ANKRD44: variants seen among roughly 807,000 people sequenced by gnomAD.
ANKRD44 encodes serine/threonine-protein phosphatase 6 regulatory ankyrin repeat subunit B.
A neutral mutation model predicts 116.0 loss-of-function variants in ANKRD44; 35 were observed. That is an observed-to-expected ratio of 0.30 (90% CI 0.23 to 0.40). The LOEUF (loss-of-function observed/expected upper bound fraction) is 0.40. ANKRD44 is among the 10% of genes least tolerant of loss of function. The pLI, the probability that ANKRD44 is intolerant of heterozygous loss-of-function variation, is 1.00. For synonymous variants in ANKRD44, 435 were observed against 461.8 expected, an observed-to-expected ratio of 0.94 and a Z score of 0.74; for missense variants, 1,014 against 1,242.6, an observed-to-expected ratio of 0.82 and a Z score of 2.77.
chr2:197,009,526 C>T (rs910869470), intron 18 of ANKRD44, among the ~76,000 whole-genome samples: 30 of 152,200 alleles, frequency 2.0e-4, no homozygotes, highest in African/African-American at 7.2e-4. Context: ...TGCACCACCA[C>T]ACCCGCTAAT....
At chr2:197,238,132 G>A (rs2082014328) in intron 1 of ANKRD44, among the ~76,000 whole-genome samples, 1 of 152,202 alleles carries the variant, frequency 6.6e-6, no homozygotes, top group South Asian at 2.1e-4. Context: ...AGTTTGTACA[G>A]TCATTATATA....
At chr2:196,990,443 A>G (rs1202625790) in intron 27 of ANKRD44, 2 of 1,182,472 alleles carry the variant, frequency 1.7e-6, no homozygotes, top group African/African-American at 3.2e-5. Flanking sequence ...AATGAGAGGT[A>G]GACTTTCACA....
At chr2:197,121,025 G>T (rs181825275) in intron 8 of ANKRD44, among the ~76,000 whole-genome samples, 40 of 151,846 alleles carry the variant, frequency 2.6e-4, no homozygotes, top group African/African-American at 9.7e-4. Context: ...TGTCTCCCGG[G>T]TTTAAGCAAT....
intron 15 of ANKRD44, 29 bp downstream of exon 15, chr2:197,081,616 C>T (rs375395648): frequency 2.0e-4 from 319 of 1,600,292 alleles, no homozygotes; most frequent in Non-Finnish European, 2.6e-4. Context: ...AGAAATGGCA[C>T]CTTGTTCTTA....
chr2:197,187,240 C>A, intron 1 of ANKRD44, 134 bp from the exon 2 acceptor site: 1 of 787,862 alleles, frequency 1.3e-6, no homozygotes. Flanking sequence ...ATGAATAAGA[C>A]TCAGACCAAC....
chr2:197,023,775 C>A (rs921035772), intron 17 of ANKRD44, among the ~76,000 whole-genome samples: 3 of 152,158 alleles, frequency 2.0e-5, no homozygotes, highest in Non-Finnish European at 2.9e-5. Context: ...CTTCCCCAGG[C>A]ACAGCAGATG....
chr2:197,068,645 C>T (rs1327908074), intron 16 of ANKRD44, among the ~76,000 whole-genome samples: 1 of 152,026 alleles, frequency 6.6e-6, no homozygotes, highest in East Asian at 1.9e-4. Flanking sequence ...AAAAAGTGGG[C>T]AAAGGATATG....
At chr2:197,285,833 GA>G (rs1278712262) in intron 1 of ANKRD44, among the ~76,000 whole-genome samples, 4 of 152,008 alleles carry the variant, frequency 2.6e-5, no homozygotes, top group South Asian at 4.2e-4. Context: ...GTCAGATTCT[GA>G]AAAAAAAGAA....
rs2076100516 is a variant in ANKRD44, at chr2:197,000,803, G to A, written c.2436-301C>T. On this transcript the variant is annotated intron_variant, in intron 22 of 27. Transcript: ENST00000282272. ...TTAAAATCTTTCTGACCTTTGGGAG[G>A]CTGAGGCAGGTGGATCATGAGGTCA... Among the ~76,000 whole-genome samples, 13 of 152,168 alleles carry A rather than the reference G, an allele frequency of 8.5e-5. 1 individual carries two copies. The South Asian group carries it at 2.7e-3, about 32-fold the overall frequency.
At chr2:197,016,651 T>A (rs7575641) in intron 17 of ANKRD44, among the ~76,000 whole-genome samples, 105,135 of 151,990 alleles carry the variant, frequency 0.69, 40,604 homozygotes, top group East Asian at 0.96. Context: ...TTGCAATGTG[T>A]GTTTTAGATA....
intron 9 of ANKRD44, among the ~76,000 whole-genome samples, chr2:197,107,642 A>G (rs898606063): frequency 1.3e-5 from 2 of 152,224 alleles, no homozygotes; most frequent in Non-Finnish European, 2.9e-5. Flanking sequence ...CCAAACACCA[A>G]TGCAATTTAA....
intron 1 of ANKRD44, among the ~76,000 whole-genome samples, chr2:197,291,441 C>T (rs1473354012): frequency 6.6e-6 from 1 of 151,948 alleles, no homozygotes. Context: ...ACCCAGGAGG[C>T]GGAGGCTGCA....
chr2:196,992,925 G>T (rs1392040450), intron 27 of ANKRD44: 2 of 152,496 alleles, frequency 1.3e-5, no homozygotes, highest in African/African-American at 2.4e-5. Context: ...GCTCCCCAAG[G>T]TTAATAGGCA....
intron 16 of ANKRD44, among the ~76,000 whole-genome samples, chr2:197,030,945 G>A (rs1300190894): frequency 1.3e-5 from 2 of 151,952 alleles, no homozygotes; most frequent in African/African-American, 4.8e-5. Flanking sequence ...CAAAGTGCTA[G>A]GACTACAAGT....
At chr2:197,062,081 A>G (rs749943132) in intron 16 of ANKRD44, among the ~76,000 whole-genome samples, 2 of 152,090 alleles carry the variant, frequency 1.3e-5, no homozygotes, top group Non-Finnish European at 2.9e-5. Context: ...ACACCCTCCC[A>G]TGCCTAATAT....
At chr2:196,982,894 A>G (rs887873345), downstream of ANKRD44, among the ~76,000 whole-genome samples, 4 of 152,212 alleles carry the variant, frequency 2.6e-5, no homozygotes, top group Admixed American at 1.3e-4. Context: ...GGATGAAGCT[A>G]GAAGCCATCA....
At chr2:197,294,859 T>A (rs141096803) in intron 1 of ANKRD44, among the ~76,000 whole-genome samples, 31 of 152,290 alleles carry the variant, frequency 2.0e-4, no homozygotes, top group African/African-American at 6.7e-4. Context: ...TCTGTTTTGC[T>A]CTCATATATA....
chr2:197,148,951 A>G (rs890502594), intron 2 of ANKRD44, among the ~76,000 whole-genome samples: 1 of 152,260 alleles, frequency 6.6e-6, no homozygotes, highest in Non-Finnish European at 1.5e-5. Flanking sequence ...AGTATTTGAA[A>G]TCATGTTAGC....
chr2:197,126,838 C>T (rs955224307), intron 4 of ANKRD44, among the ~76,000 whole-genome samples: 8 of 57,586 alleles, frequency 1.4e-4, no homozygotes, highest in Admixed American at 4.4e-4. Context: ...TTGCACCAAC[C>T]GGGAGTGGTG....
Sources: gnomAD v4.1 joint callset for allele counts (sites outside exome capture counted in the v4.1 genomes callset) on GRCh38, gnomAD v4.1.1 for gene constraint, MANE v1.5 for transcripts, NCBI Gene and HGNC (gene_info 2026-07-23, HGNC 2026-07-21) for gene names.